The following TRPC4 variants were observed in gnomAD, a reference collection of about 807,000 sequenced individuals.
TRPC4 encodes the protein short transient receptor potential channel 4.
TRPC4 carries 49 observed loss-of-function variants against 99.4 expected under a neutral mutation model. The ratio of observed to expected loss-of-function variants is 0.49; its 90% CI spans 0.39 to 0.63. The LOEUF (loss-of-function observed/expected upper bound fraction) is 0.63. Among genes scored for constraint, TRPC4 ranks in the 20% least tolerant of loss-of-function variants. The pLI is 0.00. For missense variants in TRPC4, 898 were observed against 1,152.9 expected, an observed-to-expected ratio of 0.78 and a Z score of 3.20; for synonymous variants, 454 against 425.9, an observed-to-expected ratio of 1.07 and a Z score of -0.81.
At chr13:37,810,500 C>G (rs927133838) in intron 1 of TRPC4, among the ~76,000 whole-genome samples, 11 of 151,938 alleles carry the variant, frequency 7.2e-5, no homozygotes, top group African/African-American at 1.2e-4. Flanking sequence ...ATTAGACACC[C>G]ATCGTTCAAA....
chr13:37,736,895 A>ATTTTTTT (rs34176145), intron 3 of TRPC4, among the ~76,000 whole-genome samples: 1 of 127,744 alleles, frequency 7.8e-6, no homozygotes, highest in Non-Finnish European at 1.6e-5. Context: ...TGCCTGGCTA[A>ATTTTTTT]TTTTTTTTTT....
intron 2 of TRPC4, among the ~76,000 whole-genome samples, chr13:37,770,435 T>A (rs1234325697): frequency 6.6e-6 from 1 of 151,568 alleles, no homozygotes; most frequent in Admixed American, 6.6e-5. Context: ...TCAGGCAGAC[T>A]AAGTTGGGAA....
chr13:37,835,688 G>C (rs2139612862), intron 1 of TRPC4, among the ~76,000 whole-genome samples: 1 of 152,228 alleles, frequency 6.6e-6, no homozygotes, highest in South Asian at 2.1e-4. Flanking sequence ...AAAAGAGGAA[G>C]ATAACAAATG....
chr13:37,745,537 CGTAT>C (rs766802146), intron 3 of TRPC4, among the ~76,000 whole-genome samples: 4 of 63,616 alleles, frequency 6.3e-5, no homozygotes, highest in African/African-American at 4.5e-4. Context: ...TGTATATATA[CGTAT>C]ATATATATAT....
intron 1 of TRPC4, among the ~76,000 whole-genome samples, chr13:37,843,721 T>C (rs903285877): frequency 2.6e-5 from 4 of 151,398 alleles, no homozygotes; most frequent in Non-Finnish European, 5.9e-5. Context: ...CATACACACA[T>C]GCACACACAG....
chr13:37,749,506 C>A (rs981747924), intron 2 of TRPC4, among the ~76,000 whole-genome samples: 1 of 152,012 alleles, frequency 6.6e-6, no homozygotes, highest in African/African-American at 2.4e-5. Flanking sequence ...CTCAGCCAGG[C>A]AGGCAAAATA....
intron 7 of TRPC4, among the ~76,000 whole-genome samples, chr13:37,651,888 C>A (rs371427564): frequency 6.6e-6 from 1 of 152,286 alleles, no homozygotes; most frequent in South Asian, 2.1e-4. Context: ...CATGGCTTAG[C>A]CTTCAATGTT....
chr13:37,696,234 T>C (rs1430272551), intron 3 of TRPC4, among the ~76,000 whole-genome samples: 1 of 152,146 alleles, frequency 6.6e-6, no homozygotes, highest in African/African-American at 2.4e-5. Flanking sequence ...CCTGCCCCCA[T>C]GATTCAATTA....
chr13:37,638,942 A>G (rs780941619), intron 10 of TRPC4, 98 bp downstream of exon 10: 2 of 1,262,388 alleles, frequency 1.6e-6, no homozygotes, highest in South Asian at 2.5e-5. Context: ...GGCTTGCTGG[A>G]ACACACAGCT....
At position 37,769,225 on chromosome 13, in the gene TRPC4, T is replaced by A. The variant is rs552571254; in HGVS notation, c.378+13731A>T. On this transcript the variant is annotated intron_variant, in intron 2 of 10. Transcript: ENST00000379705. ...TTTGCCAGCCAGATGTTTGAAACTA[T>A]ACATATATTTTTGAAAGCCTCAAAT... Among the ~76,000 whole-genome samples the A allele has an allele frequency of 3.1e-4, 47 of 151,584 alleles. 2 individuals carry two copies. The South Asian group carries it at 9.7e-3, about 31-fold the overall frequency.
chr13:37,779,351 C>T (rs766766280), intron 2 of TRPC4, among the ~76,000 whole-genome samples: 1 of 151,572 alleles, frequency 6.6e-6, no homozygotes. Flanking sequence ...ATGATTCCTG[C>T]TTAGTGTAGA....
In TRPC4 at chr13:37,653,459, A is replaced by T. The variant is rs751781241; in HGVS notation, c.1884+1629T>A. Among the ~76,000 whole-genome samples the T allele has an allele frequency of 1.4e-4, 21 of 152,112 alleles. 1 individual carries two copies. Among genetic ancestry groups the T allele is most frequent in the Non-Finnish European group, 2.9e-4 (20 of 68,016 alleles). On this transcript the variant is annotated intron_variant, in intron 7 of 10. Transcript: ENST00000379705. The stretch of plus-strand genomic sequence containing the variant: ...AGAAAGAAAGAAAAAGAAAGGAAGG[A>T]AGGAAGGAAGAAAGAAAAAGAGAAA...
chr13:37,829,693 G>C (rs913580616), intron 1 of TRPC4, among the ~76,000 whole-genome samples: 2 of 152,118 alleles, frequency 1.3e-5, no homozygotes, highest in African/African-American at 4.8e-5. Context: ...ATTTGTACGT[G>C]AATGTTTATA....
intron 1 of TRPC4, among the ~76,000 whole-genome samples, chr13:37,789,066 C>T (rs1957045275): frequency 2.0e-5 from 3 of 152,094 alleles, no homozygotes; most frequent in Admixed American, 6.6e-5. Context: ...GTGCCACATA[C>T]CTAATCTTTC....
chr13:37,711,835 A>C (rs1954495726), intron 3 of TRPC4, among the ~76,000 whole-genome samples: 1 of 152,112 alleles, frequency 6.6e-6, no homozygotes, highest in Admixed American at 6.6e-5. Flanking sequence ...ATTTCAGAAA[A>C]GAAAGTAGAA....
At chr13:37,821,231 C>T (rs945201567) in intron 1 of TRPC4, among the ~76,000 whole-genome samples, 1 of 139,656 alleles carries the variant, frequency 7.2e-6, no homozygotes, top group African/African-American at 2.5e-5. Context: ...CACACACACA[C>T]AAATACCTAG....
In TRPC4 at chr13:37,746,096, C is replaced by T. The variant is rs1471492045; in HGVS notation, c.738G>A (p.Arg246=). ...GGTCCTTAGCAAATTGTTTGCACTGCCGTGACAGCTCTTCATACTCCGACT... is the reference window on the plus strand; with the variant it reads ...GGTCCTTAGCAAATTGTTTGCACTGTCGTGACAGCTCTTCATACTCCGACT... ...EFKSEYEELS[R]QCKQFAKDLL... Residue 246 remains arginine, a synonymous_variant, in exon 3 of 11, where the codon CGG becomes CGA. Coordinates refer to ENST00000379705, the MANE Select transcript of TRPC4 (RefSeq NM_016179.4). 6.2e-7 allele frequency: 1 copy of T among 1,613,800 alleles called. No individual in the cohort carries two copies. The highest frequency in any genetic ancestry group is 1.3e-5 in the African/African-American group (1 of 74,908).
At chr13:37,777,510 C>T (rs1956739361) in intron 2 of TRPC4, among the ~76,000 whole-genome samples, 1 of 151,854 alleles carries the variant, frequency 6.6e-6, no homozygotes. Context: ...CAGCTCCCAC[C>T]TCTAATATTG....
At chr13:37,819,566 A>C (rs925563934) in intron 1 of TRPC4, among the ~76,000 whole-genome samples, 1 of 152,046 alleles carries the variant, frequency 6.6e-6, no homozygotes, top group African/African-American at 2.4e-5. Context: ...AAACTAACGC[A>C]GGAACAGGAA....
Sources: allele counts gnomAD v4.1 joint callset (sites outside exome capture counted in the v4.1 genomes callset), GRCh38; gene constraint gnomAD v4.1.1; transcripts MANE v1.5; gene names NCBI Gene and HGNC (gene_info 2026-07-23, HGNC 2026-07-21).